The following FANCG variants were observed in gnomAD, a reference collection of about 807,000 sequenced individuals.
FANCG encodes FA complementation group G, also known as Fanconi anemia group G protein.
In FANCG, 67 loss-of-function variants were observed where a neutral mutation model predicts 73.3. The observed-to-expected ratio is 0.91, with a 90% CI of 0.75 to 1.12. The LOEUF is 1.12. Ranked by LOEUF, FANCG falls within the 50% of genes most tolerant of loss-of-function variation. The pLI, the probability that FANCG is intolerant of heterozygous loss-of-function variation, is 0.00. For synonymous variants in FANCG, 297 were observed against 311.6 expected (o/e 0.95, Z 0.49); for missense variants, 643 against 735.6 (o/e 0.87, Z 1.46).
rs1829066243 is a variant in FANCG at position 35,075,538 on chromosome 9, CA to C, written c.1359del (p.Ala454ProfsTer64). 1.2e-6 allele frequency: 2 copies of C among 1,614,174 alleles called. No homozygotes were observed. Among genetic ancestry groups the C allele is most frequent in the Non-Finnish European group, 1.7e-6 (2 of 1,180,030 alleles). ...KELPYCPLWV[S>X]ATHLLQGQAW... ...GCCTGGCCCTGAAGCAGGTGGGTGG[CA>C]GAGACCCAGAGTGGGCAGTATGGCA... On this transcript the variant is annotated frameshift_variant, in exon 10 of 14. Coordinates refer to ENST00000378643, the MANE Select transcript of FANCG (RefSeq NM_004629.2). LOFTEE classifies it high-confidence loss of function.
Position 35,079,248 on chromosome 9 carries a change from CAT to C in FANCG, c.85-9_85-8del. On this transcript the variant is annotated splice_polypyrimidine_tract_variant and splice_region_variant and intron_variant, in intron 1 of 13. Coordinates refer to ENST00000378643, the MANE Select transcript of FANCG (RefSeq NM_004629.2). ...GACCGGAGTTCTGAGCCACCTGCCA[CAT>C]GAGGGAGGGGTTGTCACTGAGGATC... is the stretch of plus-strand genomic sequence containing the variant. 5.6e-6 allele frequency: 9 copies of C among 1,606,214 alleles called. No individual in the cohort carries two copies. The highest frequency in any genetic ancestry group is 7.7e-6 in the Non-Finnish European group (9 of 1,176,414).
chr9:35,076,142 G>T, intron 8 of FANCG, 114 bp from the exon 9 acceptor site: 1 of 1,126,966 alleles, frequency 8.9e-7, no homozygotes. Context: ...CTGAGGAGGA[G>T]AAAGGGAGGG....
chr9:35,075,279 C>G lies in FANCG; in HGVS notation c.1480G>C (p.Gly494Arg). Residue 494 changes from glycine to arginine, a missense_variant and splice_region_variant, in exon 11 of 14, where the codon GGG (glycine) becomes CGG (arginine). Gly to Arg is a moderately radical substitution (Grantham distance 125). Coordinates refer to ENST00000378643, the MANE Select transcript of FANCG (RefSeq NM_004629.2). ...FRATPEEKEQGAAFNCEQGCK... is the reference protein window; with the variant it reads ...FRATPEEKEQRAAFNCEQGCK... The stretch of plus-strand genomic sequence containing the variant: ...GAGGAAAACTGAAAGTTTAGATCAC[C>G]TTGTTCTTTTTCCTCAGGTGTGGCC... 1 of 1,614,146 alleles carries G rather than the reference C, an allele frequency of 6.2e-7. No homozygotes were observed. Among genetic ancestry groups the G allele is most frequent in the Non-Finnish European group, 8.5e-7 (1 of 1,180,038 alleles).
intron 10 of FANCG, 58 bp downstream of exon 10, chr9:35,075,407 A>C (rs1829063629): frequency 6.2e-7 from 1 of 1,613,484 alleles, no homozygotes; most frequent in African/African-American, 1.3e-5. Flanking sequence ...GAGCTCACCA[A>C]CTCAGGTCCC....
chr9:35,079,050 TC>T, intron 2 of FANCG, 100 bp downstream of exon 2: 3 of 1,024,590 alleles, frequency 2.9e-6, no homozygotes, highest in Non-Finnish European at 4.4e-6. Flanking sequence ...TAAACAGGAC[TC>T]CCTGCCCCGA....
Position 35,075,278 on chromosome 9 carries a change from C to A in FANCG, c.1480+1G>T, listed in dbSNP as rs149616199. 1.2e-6 allele frequency: 2 copies of A among 1,614,030 alleles called. No individual in the cohort carries two copies. ...AGAGGAAAACTGAAAGTTTAGATCA[C>A]CTTGTTCTTTTTCCTCAGGTGTGGC... On this transcript the variant is annotated splice_donor_variant, in intron 11 of 13. Transcript: ENST00000378643. LOFTEE classifies it high-confidence loss of function.
chr9:35,074,254 T>C (rs572470999), intron 13 of FANCG, 38 bp from the exon 14 acceptor site: 12 of 1,612,722 alleles, frequency 7.4e-6, no homozygotes, highest in African/African-American at 2.7e-5. Context: ...GGGTGAAAGA[T>C]TGGCAGAAAG....
rs751967262 is a variant in FANCG, at chr9:35,077,334, A to C, written c.576T>G (p.Asp192Glu). ...KTWSPPAEELDAPLTLQDAQG... is the reference protein window; with the variant it reads ...KTWSPPAEELEAPLTLQDAQG... ...GGGCATCCTGCAGGGTCAATGGAGC[A>C]TCTAATTCCTCAGCTGGGGGACTCC... The change falls in exon 5 of 14, where the codon GAT becomes GAG. Residue 192 changes from aspartate (D) to glutamate (E), a missense_variant. Coordinates refer to ENST00000378643, the MANE Select transcript of FANCG (RefSeq NM_004629.2). The C allele has an allele frequency of 3.9e-5, 63 of 1,614,184 alleles. No individual in the cohort carries two copies. Among genetic ancestry groups the C allele is most frequent in the Non-Finnish European group, 5.0e-5 (59 of 1,180,014 alleles).
chr9:35,079,468 C>G lies in FANCG; in HGVS notation c.57G>C (p.Lys19Asn), dbSNP rs1249156918. 1.9e-6 allele frequency: 3 copies of G among 1,614,172 alleles called. No homozygotes were observed. The highest frequency in any genetic ancestry group is 2.5e-6 in the Non-Finnish European group (3 of 1,180,042). Residue 19 changes from lysine to asparagine, a missense_variant, in exon 1 of 14, where the codon AAG becomes AAC. Lys to Asn is a moderately conservative substitution (Grantham distance 94). Coordinates refer to ENST00000378643, the MANE Select transcript of FANCG (RefSeq NM_004629.2). ...TGGCCTGTCGAACGAGCCGGTCATTCTTTTCCCTCCACAGGTCCAGGCAGC... is the reference window on the plus strand; with the variant it reads ...TGGCCTGTCGAACGAGCCGGTCATTGTTTTCCCTCCACAGGTCCAGGCAGC... The part of the protein sequence containing the change: ...GSSCLDLWRE[K>N]NDRLVRQAKV...
At position 35,076,766 on chromosome 9, in the gene FANCG, C is replaced by G; in HGVS notation, c.882G>C (p.Gly294=). The change falls in exon 7 of 14, where the codon GGG becomes GGC. Residue 294 remains glycine (G), a synonymous_variant. Transcript: ENST00000378643. ...GACTCTCCAGCTCTGCTGTTGTGTC[C>G]CCCAGTTGCTGATAGAGCCTAGAGG... is the stretch of plus-strand genomic sequence containing the variant. ...LEASRLYQQL[G]DTTAELESLE... The G allele has an allele frequency of 6.2e-7, 1 of 1,614,190 alleles. No homozygotes were observed. The highest frequency in any genetic ancestry group is 8.5e-7 in the Non-Finnish European group (1 of 1,180,038).
rs972087911 is a variant in FANCG at position 35,079,656 on chromosome 9, G to A, written c.-132C>T. 5 of 888,058 alleles carry A rather than the reference G, an allele frequency of 5.6e-6. No individual in the cohort carries two copies. The highest frequency in any genetic ancestry group is 3.8e-5 in the Admixed American group (2 of 52,052). The allele number at this position is 888,058 out of a possible 1,614,324, so 55.0% of individuals were successfully genotyped here. ...CCGCCGAGCTCCCCTGCTTCTCTCG[G>A]GGTCCCAATCCACCCGCCCAGGCTT... is the stretch of plus-strand genomic sequence containing the variant. On this transcript the variant is annotated 5_prime_UTR_variant, in exon 1 of 14. Coordinates refer to ENST00000378643, the MANE Select transcript of FANCG (RefSeq NM_004629.2).
rs2131058508 is a variant in FANCG, at chr9:35,078,267, A to T, written c.384T>A (p.Ala128=). The stretch of plus-strand genomic sequence containing the variant: ...ACAGCAGCTCCGGCAGAAGGCAGGA[A>T]GCACGAAGGACAGAGTCCCACAGCT... ...LRELWDSVLR[A]SCLLPELLSA... The change falls in exon 4 of 14, where the codon GCT becomes GCA. Residue 128 remains alanine, a synonymous_variant. Coordinates refer to ENST00000378643, the MANE Select transcript of FANCG (RefSeq NM_004629.2). The T allele has an allele frequency of 5.0e-6, 8 of 1,614,156 alleles. No individual in the cohort carries two copies. The highest frequency in any genetic ancestry group is 5.1e-6 in the Non-Finnish European group (6 of 1,180,032).
At chr9:35,079,002 T>C (rs756778245) in intron 2 of FANCG, 149 bp downstream of exon 2, 18 of 796,390 alleles carry the variant, frequency 2.3e-5, no homozygotes, top group Non-Finnish European at 3.4e-5. Context: ...GGGATTTGCC[T>C]GTACAAAGAT....
chr9:35,078,849 A>C (rs1587144107), intron 2 of FANCG, 113 bp from the exon 3 acceptor site: 2 of 1,389,126 alleles, frequency 1.4e-6, no homozygotes, highest in East Asian at 2.3e-5. Context: ...TAAAGAACCC[A>C]CCCTCCAGCC....
Position 35,075,082 on chromosome 9 carries a change from C to A in FANCG, c.1481G>T (p.Gly494Val), listed in dbSNP as rs770011456. The change falls in exon 12 of 14, where the codon GGG becomes GTG. Residue 494 changes from glycine (G) to valine (V), a missense_variant and splice_region_variant. Transcript: ENST00000378643. The stretch of plus-strand genomic sequence containing the variant: ...TCCCTGCTCACAGTTGAAAGCTGCC[C>A]CTGGGGACCACTCCCAAAGTCAAGA... ...FRATPEEKEQ[G>V]AAFNCEQGCK... The A allele has an allele frequency of 3.7e-6, 6 of 1,613,894 alleles. No homozygotes were observed. Among genetic ancestry groups the A allele is most frequent in the Non-Finnish European group, 2.5e-6 (3 of 1,180,028 alleles).
rs776489249 is a variant in FANCG at position 35,077,302 on chromosome 9, A to G, written c.608T>C (p.Leu203Ser). ...APLTLQDAQG[L>S]KDVLLTAFAY... is the part of the protein sequence containing the mutation. ...AAATGCTGTCAGGAGGACATCCTTC[A>G]ATCCCTGGGCATCCTGCAGGGTCAA... Residue 203 changes from leucine to serine, a missense_variant, in exon 5 of 14, where the codon TTG (leucine) becomes TCG (serine). Leu to Ser is a moderately radical substitution (Grantham distance 145). Coordinates refer to ENST00000378643, the MANE Select transcript of FANCG (RefSeq NM_004629.2). 6.2e-7 allele frequency: 1 copy of G among 1,614,188 alleles called. No homozygotes were observed. The highest frequency in any genetic ancestry group is 1.1e-5 in the South Asian group (1 of 91,088).
At chr9:35,078,775 T>C in intron 2 of FANCG, 39 bp from the exon 3 acceptor site, 1 of 1,613,516 alleles carries the variant, frequency 6.2e-7, no homozygotes, top group East Asian at 2.2e-5. Flanking sequence ...TGCTCCCCCA[T>C]GGAAGATCCT....
chr9:35,076,575 A>G lies in FANCG; in HGVS notation c.933T>C (p.Asn311=), dbSNP rs1283707202. Reference sequence around the variant, plus strand: ...GCGGGGCTTTGGAACTGCATGGGACATTCAAGGCCTAAAAGAGAAAGAAAA... The same window carrying G: ...GCGGGGCTTTGGAACTGCATGGGACGTTCAAGGCCTAAAAGAGAAAGAAAA... ...ESLELLVEAL[N]VPCSSKAPQF... The change falls in exon 8 of 14, where the codon AAT becomes AAC. Residue 311 remains asparagine, a synonymous_variant. Transcript: ENST00000378643. The G allele has an allele frequency of 2.1e-5, 34 of 1,614,074 alleles. No individual in the cohort carries two copies. Among genetic ancestry groups the G allele is most frequent in the African/African-American group, 4.0e-5 (3 of 74,932 alleles).
chr9:35,074,905 G>A (rs758929136), intron 12 of FANCG, 22 bp downstream of exon 12: 6 of 1,613,524 alleles, frequency 3.7e-6, no homozygotes, highest in South Asian at 3.3e-5. Flanking sequence ...ATGCATAGCC[G>A]ACGTCATGCA....
Sources: allele counts gnomAD v4.1 joint callset, GRCh38; gene constraint gnomAD v4.1.1; transcripts MANE v1.5; gene names NCBI Gene and HGNC (gene_info 2026-07-23, HGNC 2026-07-21).